Variants in PCDHGB5 observed in about 807,000 individuals in gnomAD.
The protein encoded by PCDHGB5 is protocadherin gamma-B5.
In PCDHGB5, 48 loss-of-function variants were observed where a neutral mutation model predicts 62.9. The observed-to-expected ratio is 0.76, with a 90% CI of 0.61 to 0.97. PCDHGB5 has a LOEUF of 0.97. Among genes scored for constraint, PCDHGB5 ranks in the 50% least tolerant of loss-of-function variants. The pLI is 0.00. For missense variants in PCDHGB5, 1,118 were observed against 1,198.6 expected (o/e 0.93, Z 0.99); for synonymous variants, 474 against 511.2 (o/e 0.93, Z 0.98).
chr5:141,468,677 T>A (rs545029270), intron 1 of PCDHGB5: 1 of 150,902 alleles, frequency 6.6e-6, no homozygotes, highest in African/African-American at 2.4e-5. Flanking sequence ...CCATCCTGGC[T>A]AACACGGTGA....
intron 2 of PCDHGB5, among the ~76,000 whole-genome samples, chr5:141,499,686 T>G (rs1400567357): frequency 1.3e-5 from 2 of 149,346 alleles, no homozygotes; most frequent in Non-Finnish European, 3.0e-5. Flanking sequence ...CTTTAACAGA[T>G]GACTTTTTTT....
In PCDHGB5 at chr5:141,398,664, A is replaced by G. The variant is rs762356100; in HGVS notation, c.537A>G (p.Ser179=). The G allele has an allele frequency of 4.3e-6, 7 of 1,612,604 alleles. No individual in the cohort carries two copies. In the East Asian group the frequency reaches 8.9e-5, roughly 21 times the overall value. ...KYKLSLNPSF[S]LIIKEKQDGS... is the part of the protein sequence containing the mutation. ...AACTCTCTCTTAACCCAAGTTTCTC[A>G]TTAATAATTAAGGAGAAACAGGATG... Residue 179 remains serine, a synonymous_variant, in exon 1 of 4, where the codon TCA becomes TCG. Transcript: ENST00000617380.
At chr5:141,413,109 A>G in intron 1 of PCDHGB5, 2 of 1,498,490 alleles carry the variant, frequency 1.3e-6, no homozygotes, top group African/African-American at 1.4e-5. Flanking sequence ...ACAGAAAGAC[A>G]AAGGAACCGG....
Position 141,475,063 on chromosome 5 carries a change from C to T in PCDHGB5, c.2398-19744C>T, listed in dbSNP as rs552623067. Among the ~76,000 whole-genome samples the T allele has an allele frequency of 1.1e-4, 16 of 152,320 alleles. No individual in the cohort carries two copies. The South Asian group carries it at 2.9e-3, about 28-fold the overall frequency. The stretch of plus-strand genomic sequence containing the variant: ...TTGTATTTTCTAAAGATTTGTGGAG[C>T]TTTGCTGCCATTATTTCAATAATTT... On this transcript the variant is annotated intron_variant, in intron 1 of 3. Coordinates refer to ENST00000617380, the MANE Select transcript of PCDHGB5 (RefSeq NM_018925.3).
At chr5:141,413,986 A>G (rs1464771336) in intron 1 of PCDHGB5, 1 of 1,613,554 alleles carries the variant, frequency 6.2e-7, no homozygotes, top group Admixed American at 1.7e-5. Flanking sequence ...AGTCACAGCC[A>G]CCGACAGGGA....
At chr5:141,403,168 G>T in intron 1 of PCDHGB5, 14 of 1,614,032 alleles carry the variant, frequency 8.7e-6, no homozygotes, top group African/African-American at 1.3e-5. Flanking sequence ...GAGGTAGGAC[G>T]CAGCTTTTCT....
At chr5:141,413,222 G>T in intron 1 of PCDHGB5, 1 of 1,613,796 alleles carries the variant, frequency 6.2e-7, no homozygotes, top group Admixed American at 1.7e-5. Flanking sequence ...GATTGCAGCG[G>T]GCTGGTCCTG....
At chr5:141,447,988 A>C (rs1234413003) in intron 1 of PCDHGB5, among the ~76,000 whole-genome samples, 1 of 152,018 alleles carries the variant, frequency 6.6e-6, no homozygotes, top group Non-Finnish European at 1.5e-5. Flanking sequence ...CGGGAGGCTG[A>C]GGCATGAGAA....
Position 141,432,949 on chromosome 5 carries a change from C to T in PCDHGB5, c.2397+32425C>T. 1.2e-6 allele frequency: 2 copies of T among 1,614,184 alleles called. No homozygotes were observed. Among genetic ancestry groups the T allele is most frequent in the Non-Finnish European group, 1.7e-6 (2 of 1,180,040 alleles). On this transcript the variant is annotated intron_variant, in intron 1 of 3. Coordinates refer to ENST00000617380, the MANE Select transcript of PCDHGB5 (RefSeq NM_018925.3). This position sits in a 1 kb window ranked among gnomAD's most constrained non-coding sequence, Gnocchi z 6.0. Reference sequence around the variant, plus strand: ...CACGCCTGCTGCAGGCTTCAGGAGGCGGCTTGACAGGAGCGCCGGCGTCGC... The same window carrying T: ...CACGCCTGCTGCAGGCTTCAGGAGGTGGCTTGACAGGAGCGCCGGCGTCGC...
chr5:141,459,992 C>T (rs1327580257), intron 1 of PCDHGB5, among the ~76,000 whole-genome samples: 1 of 152,126 alleles, frequency 6.6e-6, no homozygotes, highest in Admixed American at 6.5e-5. Flanking sequence ...ACAGGAGAAT[C>T]GCTTGAACCC....
rs2097424370 is a variant in PCDHGB5, at chr5:141,431,859, C to G, written c.2397+31335C>G. On this transcript the variant is annotated intron_variant, in intron 1 of 3. Coordinates refer to ENST00000617380, the MANE Select transcript of PCDHGB5 (RefSeq NM_018925.3). The surrounding 1 kb of genome is among the most constrained non-coding windows in gnomAD (Gnocchi z 4.8). ...AACTCTCCCAGAGGGACATTAATTG[C>G]CCTTTTAAATGTAAATGACCAAGAT... is the stretch of plus-strand genomic sequence containing the variant. The G allele has an allele frequency of 1.2e-6, 2 of 1,614,060 alleles. No individual in the cohort carries two copies. Among genetic ancestry groups the G allele is most frequent in the Middle Eastern group, 3.3e-4 (2 of 6,084 alleles).
intron 1 of PCDHGB5, chr5:141,427,320 G>GT: frequency 2.2e-6 from 1 of 457,086 alleles, no homozygotes; most frequent in Non-Finnish European, 4.4e-6. Context: ...CCCAGACGTG[G>GT]TTTTTACTTC....
At chr5:141,405,505 C>T (rs573282216) in intron 1 of PCDHGB5, 22 of 751,126 alleles carry the variant, frequency 2.9e-5, no homozygotes, top group Admixed American at 1.7e-4. Flanking sequence ...TTGCAACCTC[C>T]GCCTCCCAAA....
In PCDHGB5 at chr5:141,489,844, C is replaced by A; in HGVS notation, c.2398-4963C>A. 2 of 1,614,148 alleles carry A rather than the reference C, an allele frequency of 1.2e-6. No individual in the cohort carries two copies. Among genetic ancestry groups the A allele is most frequent in the Non-Finnish European group, 1.7e-6 (2 of 1,179,982 alleles). On this transcript the variant is annotated intron_variant, in intron 1 of 3. Coordinates refer to ENST00000617380, the MANE Select transcript of PCDHGB5 (RefSeq NM_018925.3). The surrounding 1 kb of genome is among the most constrained non-coding windows in gnomAD (Gnocchi z 4.5). Reference sequence around the variant, plus strand: ...GCTGGTGCTAGAGCAGCAGCTGGATCGTGAAGCCCAGGCAAGACATCAGCT... The same window carrying A: ...GCTGGTGCTAGAGCAGCAGCTGGATAGTGAAGCCCAGGCAAGACATCAGCT...
rs766460257 is a variant in PCDHGB5, at chr5:141,398,407, G to A, written c.280G>A (p.Glu94Lys). 4.0e-5 allele frequency: 59 copies of A among 1,474,004 alleles called. No homozygotes were observed. The Middle Eastern group carries it at 1.0e-3, about 26-fold the overall frequency. 91.3% of individuals were successfully genotyped at this position (1,474,004 alleles called of 1,614,324 possible). A position where few individuals can be genotyped will look rare whatever the true frequency, so the allele number is the denominator to read the frequency against. The change falls in exon 1 of 4, where the codon GAG (glutamate) becomes AAG (lysine). Residue 94 changes from glutamate to lysine, a missense_variant. This residue lies in a region of PCDHGB5 where 84 missense variants were observed against 169.5 expected (regional missense o/e 0.50). Transcript: ENST00000617380. ...TGTGAGCAGCAGGCTAGACAGGGAG[G>A]AGATATGCGGGAAGAAGCCAGCTTG... ...LLVSSRLDREEICGKKPACAL... is the reference protein window; with the variant it reads ...LLVSSRLDREKICGKKPACAL...
chr5:141,505,645 G>A (rs997169182), intron 3 of PCDHGB5, 164 bp downstream of exon 3: 2 of 964,274 alleles, frequency 2.1e-6, no homozygotes, highest in African/African-American at 1.8e-5. Flanking sequence ...GCCTGGAATT[G>A]TGGCTAAGGA....
At chr5:141,506,699 C>T (rs758682427) in intron 3 of PCDHGB5, among the ~76,000 whole-genome samples, 2 of 152,094 alleles carry the variant, frequency 1.3e-5, no homozygotes, top group Non-Finnish European at 2.9e-5. Flanking sequence ...GACCCAAACC[C>T]GTTTTTTACT....
Position 141,491,522 on chromosome 5 carries a change from A to G in PCDHGB5, c.2398-3285A>G, listed in dbSNP as rs778246278. ...TCGGACGGCACGCTCAAGTACATGG[A>G]GGTGACGCTGCGGCCCACAGACTCG... is the stretch of plus-strand genomic sequence containing the variant. On this transcript the variant is annotated intron_variant, in intron 1 of 3. Coordinates refer to ENST00000617380, the MANE Select transcript of PCDHGB5 (RefSeq NM_018925.3). The surrounding 1 kb of genome is among the most constrained non-coding windows in gnomAD (Gnocchi z 6.9). 8.1e-6 allele frequency: 13 copies of G among 1,614,024 alleles called. No homozygotes were observed. Among genetic ancestry groups the G allele is most frequent in the Non-Finnish European group, 1.1e-5 (13 of 1,180,002 alleles).
rs182282975 is a variant in PCDHGB5 at position 141,420,903 on chromosome 5, A to G, written c.2397+20379A>G. The G allele has an allele frequency of 1.7e-5, 5 of 296,804 alleles. No individual in the cohort carries two copies. In the Admixed American group the frequency reaches 1.8e-4, roughly 11 times the overall value. The allele number at this position is 296,804 out of a possible 1,614,324, so 18.4% of individuals were successfully genotyped here. On this transcript the variant is annotated intron_variant, in intron 1 of 3. Transcript: ENST00000617380. ...TGTATCATCGTTTTTAAGCTCTACA[A>G]ATACGTGTGATTCACAAAGGTGAGC...
Sources: allele counts gnomAD v4.1 joint callset (sites outside exome capture counted in the v4.1 genomes callset), GRCh38; gene constraint gnomAD v4.1.1; regional missense constraint gnomAD v4.1.1; non-coding constraint Gnocchi (gnomAD v3.1); transcripts MANE v1.5; gene names NCBI Gene and HGNC (gene_info 2026-07-23, HGNC 2026-07-21).